SBNO2: variants seen among roughly 807,000 people sequenced by gnomAD.
The protein encoded by SBNO2 is protein strawberry notch homolog 2.
Under a neutral mutation model 146.3 loss-of-function variants are expected in SBNO2, and 89 were observed. The ratio of observed to expected loss-of-function variants is 0.61; its 90% CI spans 0.51 to 0.73. The LOEUF (loss-of-function observed/expected upper bound fraction) is 0.73. Among genes scored for constraint, SBNO2 ranks in the 30% least tolerant of loss-of-function variants. The probability of loss-of-function intolerance (pLI) is 0.00; values close to 1 mark genes in which losing one functional copy is unlikely to be tolerated. For synonymous variants in SBNO2, 1,147 were observed against 892.6 expected (o/e 1.29, Z -5.08); for missense variants, 2,092 against 2,003.7 (o/e 1.04, Z -0.84).
chr19:1,111,961 T>C (rs1373198874), intron 23 of SBNO2, 35 bp downstream of exon 23: 22 of 851,046 alleles, frequency 2.6e-5, no homozygotes, highest in African/African-American at 3.8e-5. Context: ...CCCCTGCCCC[T>C]GCCCCGCCCC....
At chr19:1,149,740 C>T (rs1482931658) in intron 2 of SBNO2, among the ~76,000 whole-genome samples, 4 of 152,338 alleles carry the variant, frequency 2.6e-5, no homozygotes, top group East Asian at 3.9e-4. Flanking sequence ...GCCCGCAGCC[C>T]GGGAGTCTGC....
At chr19:1,117,007 AT>A (rs1306767670) in intron 15 of SBNO2, 81 bp from the exon 16 acceptor site, 1 of 1,321,684 alleles carries the variant, frequency 7.6e-7, no homozygotes, top group African/African-American at 1.4e-5. Context: ...GCCTGGGGTG[AT>A]GGCCACATCC....
chr19:1,109,622 G>T lies in SBNO2; in HGVS notation c.3124-24C>A, dbSNP rs763959670. The T allele has an allele frequency of 3.9e-6, 6 of 1,557,998 alleles. No individual in the cohort carries two copies. Among genetic ancestry groups the T allele is most frequent in the South Asian group, 1.2e-5 (1 of 85,566 alleles). ...ATCTGCCACGGCACGGGGTGGGGGG[G>T]TGTGAGTGTGGTGGGGGCGGGGTGG... On this transcript the variant is annotated intron_variant, in intron 27 of 31. Transcript: ENST00000361757. The surrounding 1 kb of genome is among the most constrained non-coding windows in gnomAD (Gnocchi z 4.2).
intron 5 of SBNO2, among the ~76,000 whole-genome samples, chr19:1,125,210 T>A (rs1599843118): frequency 6.9e-6 from 1 of 145,936 alleles, no homozygotes; most frequent in African/African-American, 2.5e-5. Context: ...AAAAAAAAAA[T>A]TAGCCAGGTG....
At chr19:1,111,918 T>A (rs1476569260) in intron 23 of SBNO2, 78 bp downstream of exon 23, 367 of 904,852 alleles carry the variant, frequency 4.1e-4, no homozygotes, top group Middle Eastern at 7.6e-4. Context: ...ATCTACCCCC[T>A]CCCCCAGGCT....
At position 1,112,213 on chromosome 19, in the gene SBNO2, G is replaced by A. The variant is rs370744417; in HGVS notation, c.2604C>T (p.Ile868=). ...CCAGACTCTCCAGGCGCTTGGCCAC[G>A]ATGGAGGCGAACCGGCGCTCCCCGG... ...ELAGERRFAS[I]VAKRLESLGA... Residue 868 remains isoleucine (I), a synonymous_variant, in exon 22 of 32, where the codon ATC becomes ATT. Coordinates refer to ENST00000361757, the MANE Select transcript of SBNO2 (RefSeq NM_014963.3). This position sits in a 1 kb window ranked among gnomAD's most constrained non-coding sequence, Gnocchi z 5.9. 42 of 1,589,678 alleles carry A rather than the reference G, an allele frequency of 2.6e-5. No homozygotes were observed. The highest frequency in any genetic ancestry group is 3.4e-5 in the Non-Finnish European group (40 of 1,168,394).
chr19:1,111,009 G>C lies in SBNO2; in HGVS notation c.2884+10C>G. On this transcript the variant is annotated intron_variant, in intron 25 of 31. Transcript: ENST00000361757. ...AGGAGCGCCTCTGGGCCTGGGTGTG[G>C]GGCACTCACCCTTCTCCACGTCCAG... 1 of 1,594,656 alleles carries C rather than the reference G, an allele frequency of 6.3e-7. No homozygotes were observed. The highest frequency in any genetic ancestry group is 2.3e-5 in the East Asian group (1 of 43,808).
Position 1,108,837 on chromosome 19 carries a change from G to C in SBNO2, c.3558C>G (p.Ser1186Arg). ...GRIAAVMADV[S>R]SSSYLQIVRL... ...GCACGATCTGCAGGTAGCTGCTGCT[G>C]CTGACGTCGGCCATGACGGCGGCGA... The change falls in exon 31 of 32, where the codon AGC becomes AGG. Residue 1186 changes from serine (S) to arginine (R), a missense_variant. Coordinates refer to ENST00000361757, the MANE Select transcript of SBNO2 (RefSeq NM_014963.3). 1 of 1,600,562 alleles carries C rather than the reference G, an allele frequency of 6.2e-7. No homozygotes were observed. Among genetic ancestry groups the C allele is most frequent in the Non-Finnish European group, 8.5e-7 (1 of 1,178,552 alleles).
intron 1 of SBNO2, among the ~76,000 whole-genome samples, chr19:1,156,402 C>T (rs980218083): frequency 1.3e-5 from 2 of 152,134 alleles, no homozygotes; most frequent in Non-Finnish European, 2.9e-5. Flanking sequence ...CAGGCACAAC[C>T]AACCAAGAGT....
At chr19:1,163,102 G>A (rs1294879237) in intron 1 of SBNO2, among the ~76,000 whole-genome samples, 3 of 152,212 alleles carry the variant, frequency 2.0e-5, no homozygotes, top group African/African-American at 7.2e-5. Context: ...GAGGGCACCG[G>A]GGTGACTACA....
chr19:1,132,508 G>A (rs973645766), intron 4 of SBNO2, among the ~76,000 whole-genome samples: 3 of 152,194 alleles, frequency 2.0e-5, no homozygotes, highest in Non-Finnish European at 4.4e-5. Context: ...CATGGGCCTC[G>A]GTCTCCCCAG....
At position 1,150,970 on chromosome 19, in the gene SBNO2, G is replaced by A. The variant is rs546756812; in HGVS notation, c.94-1528C>T. Among the ~76,000 whole-genome samples the A allele has an allele frequency of 2.0e-5, 3 of 152,322 alleles. No homozygotes were observed. Among genetic ancestry groups the A allele is most frequent in the South Asian group, 2.1e-4 (1 of 4,828 alleles). On this transcript the variant is annotated intron_variant, in intron 2 of 31. Coordinates refer to ENST00000361757, the MANE Select transcript of SBNO2 (RefSeq NM_014963.3). The surrounding 1 kb of genome is among the most constrained non-coding windows in gnomAD (Gnocchi z 6.2). ...ACAGCTCCTCCCCTGCACAGAGGCC[G>A]GCAGCCTGGGCACCCTGAGCTCCTG...
intron 23 of SBNO2, 82 bp from the exon 24 acceptor site, chr19:1,111,696 C>T (rs1207637142): frequency 1.3e-5 from 14 of 1,059,244 alleles, no homozygotes; most frequent in Non-Finnish European, 2.0e-5. Context: ...AGAACCCCAC[C>T]CTCCCCTAGG....
intron 19 of SBNO2, among the ~76,000 whole-genome samples, 163 bp from the exon 20 acceptor site, chr19:1,113,112 G>A (rs774913537): frequency 1.3e-5 from 2 of 152,204 alleles, no homozygotes; most frequent in Non-Finnish European, 2.9e-5. Flanking sequence ...GCTGGACCCA[G>A]GCGATGTGTG....
chr19:1,138,651 C>T (rs1358909883), intron 4 of SBNO2, among the ~76,000 whole-genome samples: 1 of 151,972 alleles, frequency 6.6e-6, no homozygotes, highest in East Asian at 1.9e-4. Context: ...CACAGTGGGG[C>T]CCTCCACGCC....
At chr19:1,116,291 C>T (rs974144795) in intron 16 of SBNO2, among the ~76,000 whole-genome samples, 188 bp from the exon 17 acceptor site, 17 of 151,938 alleles carry the variant, frequency 1.1e-4, no homozygotes, top group Middle Eastern at 3.2e-3. Flanking sequence ...CCTCTGGCCT[C>T]CTGGTGTCAC....
chr19:1,145,689 C>T (rs993797238), intron 4 of SBNO2, among the ~76,000 whole-genome samples: 19 of 152,084 alleles, frequency 1.2e-4, no homozygotes, highest in African/African-American at 4.3e-4. Flanking sequence ...GGCACAGATG[C>T]CAGCTCTGGA....
rs761705215 is a variant in SBNO2, at chr19:1,111,621, G to A, written c.2701-7C>T. 3 of 1,571,566 alleles carry A rather than the reference G, an allele frequency of 1.9e-6. No individual in the cohort carries two copies. The highest frequency in any genetic ancestry group is 1.9e-5 in the Admixed American group (1 of 54,012). ...GCAGGGCCCGGGTGCCATACTAGGGGGAGAAGGTGACTCGGGGAGGAGGCC... is the reference window on the plus strand; with the variant it reads ...GCAGGGCCCGGGTGCCATACTAGGGAGAGAAGGTGACTCGGGGAGGAGGCC... On this transcript the variant is annotated splice_region_variant and splice_polypyrimidine_tract_variant and intron_variant, in intron 23 of 31. Coordinates refer to ENST00000361757, the MANE Select transcript of SBNO2 (RefSeq NM_014963.3).
rs2079773870 is a variant in SBNO2 at position 1,112,342 on chromosome 19, C to T, written c.2516-41G>A. On this transcript the variant is annotated intron_variant, in intron 21 of 31. Coordinates refer to ENST00000361757, the MANE Select transcript of SBNO2 (RefSeq NM_014963.3). This position sits in a 1 kb window ranked among gnomAD's most constrained non-coding sequence, Gnocchi z 5.9. ...CTCTCAGGGCCCGGCCAGGCGGGGG[C>T]GGGGCCGAGACCATGTTGGGGGCGG... 2 of 1,562,852 alleles carry T rather than the reference C, an allele frequency of 1.3e-6. No homozygotes were observed. The highest frequency in any genetic ancestry group is 1.2e-5 in the South Asian group (1 of 86,192).
Sources: gnomAD v4.1 joint callset for allele counts (sites outside exome capture counted in the v4.1 genomes callset) on GRCh38, gnomAD v4.1.1 for gene constraint, Gnocchi (gnomAD v3.1) non-coding constraint, MANE v1.5 for transcripts, NCBI Gene and HGNC (gene_info 2026-07-23, HGNC 2026-07-21) for gene names.